Variants in BCLAF1 observed in about 807,000 individuals in gnomAD.
The protein encoded by BCLAF1 is bcl-2-associated transcription factor 1.
In BCLAF1, 10 loss-of-function variants were observed where a neutral mutation model predicts 99.5. That is an observed-to-expected ratio of 0.10 (90% CI 0.06 to 0.17). BCLAF1 has a LOEUF of 0.17. Among genes scored for constraint, BCLAF1 ranks in the 10% least tolerant of loss-of-function variants. The probability of loss-of-function intolerance (pLI) is 1.00; values close to 1 mark genes in which losing one functional copy is unlikely to be tolerated. For synonymous variants in BCLAF1, 255 were observed against 370.9 expected, an observed-to-expected ratio of 0.69 and a Z score of 3.59; for missense variants, 636 against 1,105.8, an observed-to-expected ratio of 0.58 and a Z score of 6.02.
At chr6:136,284,130 G>GTGTATGTGTGTGTA (rs36141174) in intron 1 of BCLAF1, among the ~76,000 whole-genome samples, 1 of 122,120 alleles carries the variant, frequency 8.2e-6, no homozygotes, top group African/African-American at 4.1e-5. Flanking sequence ...GTGTGTGTGT[G>GTGTATGTGTGTGTA]TATATATATA....
chr6:136,276,372 T>C lies in BCLAF1; in HGVS notation c.1153A>G (p.Ser385Gly), dbSNP rs141193175. Residue 385 changes from serine to glycine, a missense_variant, in exon 5 of 13, where the codon AGT becomes GGT. Ser to Gly is a moderately conservative substitution (Grantham distance 56, BLOSUM62 0). Coordinates refer to ENST00000531224, the MANE Select transcript of BCLAF1 (RefSeq NM_014739.3). ...WEDQEALDYF[S>G]DKESGKQKFN... ...TTTTGTTTTCCAGACTCTTTATCACTGAAGTAATCTAGAGCTTCCTGATCT... is the reference window on the plus strand; with the variant it reads ...TTTTGTTTTCCAGACTCTTTATCACCGAAGTAATCTAGAGCTTCCTGATCT... 8.1e-4 allele frequency: 1,277 copies of C among 1,583,700 alleles called. 5 individuals are homozygous for C. The highest frequency in any genetic ancestry group is 8.8e-4 in the South Asian group (77 of 87,406).
chr6:136,278,792 A>C lies in BCLAF1; in HGVS notation c.105-16T>G. ...AGACCTAGAACTAAAAATGAAATAA[A>C]TATCAATGCAAGAAAAATAAAGTAT... On this transcript the variant is annotated splice_polypyrimidine_tract_variant and intron_variant, in intron 3 of 12. Transcript: ENST00000531224. 1 of 1,484,614 alleles carries C rather than the reference A, an allele frequency of 6.7e-7. No homozygotes were observed. Among genetic ancestry groups the C allele is most frequent in the Non-Finnish European group, 8.9e-7 (1 of 1,120,004 alleles). 92.0% of individuals were successfully genotyped at this position (1,484,614 alleles called of 1,614,324 possible). A position where few individuals can be genotyped will look rare whatever the true frequency, so the allele number is the denominator to read the frequency against.
chr6:136,286,919 G>T (rs573602389), intron 1 of BCLAF1, among the ~76,000 whole-genome samples: 3 of 152,266 alleles, frequency 2.0e-5, no homozygotes, highest in African/African-American at 7.2e-5. Context: ...AGTGAGCCAT[G>T]ATCATGCCAC....
At position 136,258,624 on chromosome 6, in the gene BCLAF1, C is replaced by T. The variant is rs1780620704; in HGVS notation, c.*2486G>A. ...CATTTTATTGGCGTATGACAATTTACAAGGGTCCCTGTTGCATCATTATAC... is the reference window on the plus strand; with the variant it reads ...CATTTTATTGGCGTATGACAATTTATAAGGGTCCCTGTTGCATCATTATAC... On this transcript the variant is annotated 3_prime_UTR_variant, in exon 13 of 13. Transcript: ENST00000531224. 1 of 152,480 alleles carries T rather than the reference C, an allele frequency of 6.6e-6. No individual in the cohort carries two copies. Among genetic ancestry groups the T allele is most frequent in the African/African-American group, 2.4e-5 (1 of 41,434 alleles). 9.4% of individuals were successfully genotyped at this position (152,480 alleles called of 1,614,324 possible).
intron 1 of BCLAF1, among the ~76,000 whole-genome samples, 195 bp from the exon 2 acceptor site, chr6:136,282,882 A>C (rs141920313): frequency 5.9e-5 from 9 of 152,318 alleles, no homozygotes; most frequent in African/African-American, 2.2e-4. Flanking sequence ...ACCACAATGC[A>C]GTAGCGTATC....
rs35195968 is a variant in BCLAF1, at chr6:136,256,669, CAATAAATA to C, written c.*4433_*4440del. On this transcript the variant is annotated 3_prime_UTR_variant, in exon 13 of 13. Transcript: ENST00000531224. ...CTCTAGTCTGGGTAAGACTCCATCTCAATAAATAAATAAATAAATAAATAAATAAATAA... is the reference window on the plus strand; with the variant it reads ...CTCTAGTCTGGGTAAGACTCCATCTCAATAAATAAATAAATAAATAAATAA... 6.0e-3 allele frequency: 921 copies of C among 152,614 alleles called. 10 individuals are homozygous for C. Among genetic ancestry groups the C allele is most frequent in the East Asian group, 0.049 (254 of 5,210 alleles). The allele number at this position is 152,614 out of a possible 1,614,324, so 9.5% of individuals were successfully genotyped here.
intron 4 of BCLAF1, among the ~76,000 whole-genome samples, chr6:136,277,444 A>T (rs1243925044): frequency 6.6e-6 from 1 of 152,208 alleles, no homozygotes; most frequent in Admixed American, 6.5e-5. Context: ...GTTATGCTCT[A>T]AGCTACTCAA....
rs1447510882 is a variant in BCLAF1, at chr6:136,257,490, CTCAAG to C, written c.*3615_*3619del. 2 of 152,080 alleles carry C rather than the reference CTCAAG, an allele frequency of 1.3e-5. No individual in the cohort carries two copies. The highest frequency in any genetic ancestry group is 6.6e-5 in the Admixed American group (1 of 15,262). The allele number at this position is 152,080 out of a possible 1,614,324, so 9.4% of individuals were successfully genotyped here. On this transcript the variant is annotated 3_prime_UTR_variant, in exon 13 of 13. Transcript: ENST00000531224. Reference sequence around the variant, plus strand: ...ATAAATCAACACAATCTCTGTGGCTCTCAAGTCAATTAAATACAACTAGATTCCAT... The same window carrying C: ...ATAAATCAACACAATCTCTGTGGCTCTCAATTAAATACAACTAGATTCCAT...
chr6:136,284,828 T>C (rs988306462), intron 1 of BCLAF1, among the ~76,000 whole-genome samples: 3 of 151,106 alleles, frequency 2.0e-5, no homozygotes, highest in East Asian at 1.9e-4. Flanking sequence ...AAGTGCCACA[T>C]TGGAGGGGGG....
Position 136,282,633 on chromosome 6 carries a change from T to G in BCLAF1, c.-60A>C, listed in dbSNP as rs916428582. The stretch of plus-strand genomic sequence containing the variant: ...GTCAAGTGAAGTCTTTGAGATACTG[T>G]AAAAATTCTTCCTGGAGAGAATGCT... On this transcript the variant is annotated 5_prime_UTR_variant, in exon 2 of 13. Coordinates refer to ENST00000531224, the MANE Select transcript of BCLAF1 (RefSeq NM_014739.3). 1 of 152,144 alleles carries G rather than the reference T, an allele frequency of 6.6e-6. No homozygotes were observed. Among genetic ancestry groups the G allele is most frequent in the African/African-American group, 2.4e-5 (1 of 41,422 alleles). 9.4% of individuals were successfully genotyped at this position (152,144 alleles called of 1,614,324 possible).
At chr6:136,289,351 C>T (rs1265509712) in intron 1 of BCLAF1, among the ~76,000 whole-genome samples, 2 of 152,232 alleles carry the variant, frequency 1.3e-5, no homozygotes, top group Non-Finnish European at 2.9e-5. Context: ...AACGAGCGCG[C>T]GTGCGCGGAG....
chr6:136,260,848 A>C lies in BCLAF1; in HGVS notation c.*262T>G, dbSNP rs1162176701. ...TATAGACAAAGCAGAATTACAATGC[A>C]TGTAACAAAAACGTTAAAAGTTTTA... On this transcript the variant is annotated 3_prime_UTR_variant, in exon 13 of 13. Transcript: ENST00000531224. The C allele has an allele frequency of 4.2e-6, 2 of 472,554 alleles. No homozygotes were observed. Among genetic ancestry groups the C allele is most frequent in the Non-Finnish European group, 7.5e-6 (2 of 266,300 alleles). 29.3% of individuals were successfully genotyped at this position (472,554 alleles called of 1,614,324 possible). A position where few individuals can be genotyped will look rare whatever the true frequency, so the allele number is the denominator to read the frequency against.
intron 10 of BCLAF1, among the ~76,000 whole-genome samples, chr6:136,267,753 A>G (rs1781924737): frequency 6.6e-6 from 1 of 151,992 alleles, no homozygotes; most frequent in African/African-American, 2.4e-5. Flanking sequence ...TGATACCCAT[A>G]TAAGCAAGGA....
intron 11 of BCLAF1, among the ~76,000 whole-genome samples, chr6:136,262,425 T>C (rs1430537934): frequency 6.6e-6 from 1 of 152,144 alleles, no homozygotes; most frequent in African/African-American, 2.4e-5. Flanking sequence ...CAAAAGCCAC[T>C]AAAACTTTTT....
intron 1 of BCLAF1, among the ~76,000 whole-genome samples, chr6:136,289,425 T>C (rs1379693178): frequency 6.6e-6 from 1 of 152,014 alleles, no homozygotes; most frequent in Non-Finnish European, 1.5e-5. Context: ...AAGAGGAAGA[T>C]ATGCGCACGC....
intron 3 of BCLAF1, among the ~76,000 whole-genome samples, chr6:136,279,320 T>A (rs1284663301): frequency 6.6e-6 from 1 of 152,180 alleles, no homozygotes; most frequent in Admixed American, 6.5e-5. Context: ...ATGCTAAGTA[T>A]GTATTACTAT....
At position 136,257,070 on chromosome 6, in the gene BCLAF1, A is replaced by C. The variant is rs1012023186; in HGVS notation, c.*4040T>G. 1 of 152,338 alleles carries C rather than the reference A, an allele frequency of 6.6e-6. No individual in the cohort carries two copies. Among genetic ancestry groups the C allele is most frequent in the South Asian group, 2.1e-4 (1 of 4,832 alleles). The allele number at this position is 152,338 out of a possible 1,614,324, so 9.4% of individuals were successfully genotyped here. On this transcript the variant is annotated 3_prime_UTR_variant, in exon 13 of 13. Coordinates refer to ENST00000531224, the MANE Select transcript of BCLAF1 (RefSeq NM_014739.3). The stretch of plus-strand genomic sequence containing the variant: ...TCTGGAAGCTGGCCAACCCCAAAAG[A>C]TTAAGAAAAATTCGATGTATATTCT...
intron 11 of BCLAF1, among the ~76,000 whole-genome samples, chr6:136,262,399 G>A (rs1431754129): frequency 6.6e-6 from 1 of 152,154 alleles, no homozygotes; most frequent in Admixed American, 6.6e-5. Flanking sequence ...TAGAGTACCA[G>A]TAGTGAGCAA....
In BCLAF1 at chr6:136,256,887, A is replaced by G. The variant is rs1451801632; in HGVS notation, c.*4223T>C. 1 of 152,154 alleles carries G rather than the reference A, an allele frequency of 6.6e-6. No homozygotes were observed. The highest frequency in any genetic ancestry group is 2.4e-5 in the African/African-American group (1 of 41,438). 9.4% of individuals were successfully genotyped at this position (152,154 alleles called of 1,614,324 possible). ...GGAGGGTGAGTGGTATTTTTTATTT[A>G]TTGTTGCTCTTCGCATTCCATGAAA... On this transcript the variant is annotated 3_prime_UTR_variant, in exon 13 of 13. Coordinates refer to ENST00000531224, the MANE Select transcript of BCLAF1 (RefSeq NM_014739.3).
Sources: allele counts gnomAD v4.1 joint callset (sites outside exome capture counted in the v4.1 genomes callset), GRCh38; gene constraint gnomAD v4.1.1; transcripts MANE v1.5; gene names NCBI Gene and HGNC (gene_info 2026-07-23, HGNC 2026-07-21).